RIPOR2: variants seen among roughly 807,000 people sequenced by gnomAD.
RIPOR2 encodes RHO family interacting cell polarization regulator 2.
A neutral mutation model predicts 114.5 loss-of-function variants in RIPOR2; 39 were observed. The observed-to-expected ratio is 0.34, with a 90% CI of 0.26 to 0.44. RIPOR2 has a LOEUF of 0.44. Ranked by LOEUF, RIPOR2 falls within the 20% of genes least tolerant of loss-of-function variation. The probability of loss-of-function intolerance (pLI) is 1.00; values close to 1 mark genes in which losing one functional copy is unlikely to be tolerated. For synonymous variants in RIPOR2, 445 were observed against 484.4 expected (o/e 0.92, Z 1.07); for missense variants, 1,007 against 1,255.1 (o/e 0.80, Z 2.99).
At chr6:24,807,059 T>C (rs1780817733) in intron 21 of RIPOR2, among the ~76,000 whole-genome samples, 1 of 152,246 alleles carries the variant, frequency 6.6e-6, no homozygotes, top group Non-Finnish European at 1.5e-5. Flanking sequence ...GTTCTATTTT[T>C]CTACTTTAAA....
intron 1 of RIPOR2, among the ~76,000 whole-genome samples, chr6:24,879,593 T>C (rs1766157537): frequency 6.6e-6 from 1 of 152,182 alleles, no homozygotes; most frequent in Non-Finnish European, 1.5e-5. Flanking sequence ...ACACAAAGTC[T>C]GGCTCTGGAA....
In RIPOR2 at chr6:24,858,590, C is replaced by T. The variant is rs773359283; in HGVS notation, c.715+2383G>A. On this transcript the variant is annotated intron_variant, in intron 8 of 21. Coordinates refer to ENST00000643898, the MANE Select transcript of RIPOR2 (RefSeq NM_001286445.3). This position sits in a 1 kb window ranked among gnomAD's most constrained non-coding sequence, Gnocchi z 4.0. ...GGGTGTTTACCATTGAAAGCCTTCACAGATGTAGTTTCTGAGTTTGCCTGT... is the reference window on the plus strand; with the variant it reads ...GGGTGTTTACCATTGAAAGCCTTCATAGATGTAGTTTCTGAGTTTGCCTGT... Among the ~76,000 whole-genome samples, 18 of 152,094 alleles carry T rather than the reference C, an allele frequency of 1.2e-4. No individual in the cohort carries two copies. The highest frequency in any genetic ancestry group is 2.4e-4 in the Non-Finnish European group (16 of 68,022).
At chr6:24,942,938 T>A (rs1349146395) in intron 1 of RIPOR2, among the ~76,000 whole-genome samples, 1 of 152,204 alleles carries the variant, frequency 6.6e-6, no homozygotes, top group Non-Finnish European at 1.5e-5. Context: ...TTTGTCAAAT[T>A]TGGCTTTTGT....
rs1442888955 is a variant in RIPOR2 at position 24,899,993 on chromosome 6, ATCT to A, written c.62-24179_62-24177del. Among the ~76,000 whole-genome samples the A allele has an allele frequency of 3.9e-5, 6 of 152,224 alleles. No homozygotes were observed. In the South Asian group the frequency reaches 6.2e-4, roughly 16 times the overall value. ...ACCTTTCAGATGGAGGATGTGAAAA[ATCT>A]TCTTCTTGATTATAATAGAAGCCTG... On this transcript the variant is annotated intron_variant, in intron 1 of 21. Coordinates refer to ENST00000643898, the MANE Select transcript of RIPOR2 (RefSeq NM_001286445.3).
chr6:24,957,853 C>T (rs757160215), intron 1 of RIPOR2, among the ~76,000 whole-genome samples: 6 of 152,028 alleles, frequency 3.9e-5, no homozygotes, highest in East Asian at 1.9e-4. Flanking sequence ...CCAGCCTGGG[C>T]GACAGAGCGA....
At chr6:24,904,333 C>T (rs73400437) in intron 1 of RIPOR2, among the ~76,000 whole-genome samples, 5,119 of 152,280 alleles carry the variant, frequency 0.034, 100 homozygotes, top group African/African-American at 0.051. Context: ...ACCTGCATTC[C>T]TTCCCTTGTG....
intron 1 of RIPOR2, among the ~76,000 whole-genome samples, chr6:24,965,070 T>A (rs1773466181): frequency 6.6e-6 from 1 of 152,264 alleles, no homozygotes; most frequent in East Asian, 1.9e-4. Flanking sequence ...TTACTCTATC[T>A]TCCATATCTT....
intron 1 of RIPOR2, among the ~76,000 whole-genome samples, chr6:24,902,558 A>G (rs1282491353): frequency 6.6e-6 from 1 of 152,052 alleles, no homozygotes; most frequent in Non-Finnish European, 1.5e-5. Flanking sequence ...TGGGACCCCA[A>G]TTTGAGGACA....
chr6:25,017,010 C>A (rs1294482242), intron 1 of RIPOR2, among the ~76,000 whole-genome samples: 1 of 152,146 alleles, frequency 6.6e-6, no homozygotes, highest in African/African-American at 2.4e-5. Context: ...AGCCAGCTGG[C>A]AGACACTTTG....
intron 1 of RIPOR2, among the ~76,000 whole-genome samples, chr6:24,988,975 T>G (rs1300230615): frequency 6.6e-6 from 1 of 152,190 alleles, no homozygotes; most frequent in Non-Finnish European, 1.5e-5. Context: ...TTAATTTGTG[T>G]TATTAATTTT....
At chr6:24,810,953 C>T (rs6932132) in intron 20 of RIPOR2, among the ~76,000 whole-genome samples, 113,541 of 151,130 alleles carry the variant, frequency 0.75, 44,522 homozygotes, top group East Asian at 0.88. Context: ...TACAGGTGTG[C>T]GCCACCACGC....
At chr6:24,811,108 G>A (rs1781118094) in intron 20 of RIPOR2, among the ~76,000 whole-genome samples, 1 of 147,924 alleles carries the variant, frequency 6.8e-6, no homozygotes, top group Non-Finnish European at 1.5e-5. Context: ...CCTGGCCCTA[G>A]AGCTGTTTTT....
intron 1 of RIPOR2, among the ~76,000 whole-genome samples, chr6:25,017,198 G>A (rs1776050733): frequency 1.3e-5 from 2 of 152,140 alleles, no homozygotes; most frequent in South Asian, 4.1e-4. Flanking sequence ...AAATTAGCCA[G>A]GTAATCCCCG....
chr6:24,892,742 C>T (rs1017841053), intron 1 of RIPOR2, among the ~76,000 whole-genome samples: 25 of 151,860 alleles, frequency 1.6e-4, no homozygotes, highest in African/African-American at 5.3e-4. Context: ...TGAATTTATT[C>T]GTGGGAAAAA....
chr6:24,976,656 T>C (rs901824007), intron 1 of RIPOR2: 3 of 1,609,094 alleles, frequency 1.9e-6, no homozygotes, highest in Non-Finnish European at 2.6e-6. Flanking sequence ...ACAGAATTAT[T>C]CCAGGGTTTA....
chr6:25,038,549 T>C (rs1240676654), intron 1 of RIPOR2, among the ~76,000 whole-genome samples: 1 of 152,152 alleles, frequency 6.6e-6, no homozygotes, highest in African/African-American at 2.4e-5. Context: ...ACTACCATGT[T>C]ATGGAGAGGG....
intron 1 of RIPOR2, among the ~76,000 whole-genome samples, chr6:24,974,314 G>A (rs1447964000): frequency 6.6e-6 from 1 of 152,176 alleles, no homozygotes; most frequent in African/African-American, 2.4e-5. Flanking sequence ...AGGCTGCAGT[G>A]AGCCGTGATC....
chr6:24,981,597 C>A (rs1007953622), intron 1 of RIPOR2, among the ~76,000 whole-genome samples: 5 of 152,190 alleles, frequency 3.3e-5, no homozygotes, highest in African/African-American at 9.7e-5. Context: ...GTCTCCTGGC[C>A]AGCCCTTCAA....
intron 1 of RIPOR2, among the ~76,000 whole-genome samples, chr6:24,986,138 C>T (rs910288185): frequency 2.6e-5 from 4 of 152,184 alleles, no homozygotes; most frequent in African/African-American, 7.2e-5. Context: ...TTACTACATA[C>T]TGGGCCCTGT....
Sources: allele counts gnomAD v4.1 joint callset (sites outside exome capture counted in the v4.1 genomes callset), GRCh38; gene constraint gnomAD v4.1.1; non-coding constraint Gnocchi (gnomAD v3.1); transcripts MANE v1.5; gene names NCBI Gene and HGNC (gene_info 2026-07-23, HGNC 2026-07-21).